SLC23A2: variants seen among roughly 807,000 people sequenced by gnomAD.
The protein encoded by SLC23A2 is Na(+)/L-ascorbic acid transporter 2.
A neutral mutation model predicts 73.3 loss-of-function variants in SLC23A2; 36 were observed. That is an observed-to-expected ratio of 0.49 (90% CI 0.38 to 0.65). The LOEUF (loss-of-function observed/expected upper bound fraction) is 0.65. Ranked by LOEUF, SLC23A2 falls within the 30% of genes least tolerant of loss-of-function variation. SLC23A2 has a pLI of 0.00. For missense variants in SLC23A2, 507 were observed against 841.6 expected (o/e 0.60, Z 4.92); for synonymous variants, 343 against 327.3 (o/e 1.05, Z -0.52).
At chr20:4,956,956 T>C (rs2087299191) in intron 2 of SLC23A2, among the ~76,000 whole-genome samples, 1 of 152,024 alleles carries the variant, frequency 6.6e-6, no homozygotes, top group Non-Finnish European at 1.5e-5. Flanking sequence ...TACAGGCATG[T>C]GCCACCATGC....
intron 1 of SLC23A2, among the ~76,000 whole-genome samples, chr20:4,976,792 T>G (rs915152735): frequency 2.8e-4 from 42 of 151,860 alleles, no homozygotes; most frequent in African/African-American, 9.2e-4. Flanking sequence ...GCCAACATGG[T>G]GAAACCCTGT....
At chr20:4,936,777 C>T (rs753181838) in intron 2 of SLC23A2, among the ~76,000 whole-genome samples, 13 of 152,164 alleles carry the variant, frequency 8.5e-5, no homozygotes, top group East Asian at 5.8e-4. Context: ...TTCTCCACCA[C>T]GCATTTAATT....
intron 9 of SLC23A2, among the ~76,000 whole-genome samples, chr20:4,877,166 TATAA>T (rs556351654): frequency 4.5e-4 from 69 of 152,024 alleles, no homozygotes; most frequent in South Asian, 6.2e-4. Flanking sequence ...TATAATAAAA[TATAA>T]ATAAATAAAT....
At chr20:4,906,364 G>A (rs952451391) in intron 4 of SLC23A2, among the ~76,000 whole-genome samples, 8 of 152,030 alleles carry the variant, frequency 5.3e-5, no homozygotes, top group East Asian at 1.9e-4. Context: ...GGTAGCTCAC[G>A]TCTGTAATCC....
intron 1 of SLC23A2, among the ~76,000 whole-genome samples, chr20:5,001,172 G>T (rs1274588606): frequency 1.3e-5 from 2 of 151,292 alleles, no homozygotes; most frequent in East Asian, 3.9e-4. Flanking sequence ...CGGCAGAACG[G>T]CAGGAGCTGA....
chr20:4,979,055 G>A (rs2087687021), intron 1 of SLC23A2, among the ~76,000 whole-genome samples: 1 of 152,156 alleles, frequency 6.6e-6, no homozygotes, highest in Non-Finnish European at 1.5e-5. Context: ...AGTACTTTGG[G>A]AGGCTGAGGC....
At chr20:4,955,587 G>A (rs750093252) in intron 2 of SLC23A2, among the ~76,000 whole-genome samples, 10 of 151,828 alleles carry the variant, frequency 6.6e-5, no homozygotes, top group Non-Finnish European at 7.4e-5. Flanking sequence ...TCAGGGGCTC[G>A]AGACCAGCCT....
rs1881450507 is a variant in SLC23A2 at position 4,883,528 on chromosome 20, G to A, written c.824+114C>T. On this transcript the variant is annotated intron_variant, in intron 9 of 16. Coordinates refer to ENST00000338244, the MANE Select transcript of SLC23A2 (RefSeq NM_005116.6). The surrounding 1 kb of genome is among the most constrained non-coding windows in gnomAD (Gnocchi z 4.5). ...TATTCCCCAGCACGAAGCAAATAAAGTTGAAACTGTCAGACCATTCTTATT... is the reference window on the plus strand; with the variant it reads ...TATTCCCCAGCACGAAGCAAATAAAATTGAAACTGTCAGACCATTCTTATT... 3.7e-6 allele frequency: 3 copies of A among 809,192 alleles called. No homozygotes were observed. The highest frequency in any genetic ancestry group is 5.8e-6 in the Non-Finnish European group (3 of 518,318). 50.1% of individuals were successfully genotyped at this position (809,192 alleles called of 1,614,324 possible).
chr20:4,856,887 C>T lies in SLC23A2; in HGVS notation c.*85G>A. The T allele has an allele frequency of 1.2e-6, 1 of 847,606 alleles. No individual in the cohort carries two copies. 52.5% of individuals were successfully genotyped at this position (847,606 alleles called of 1,614,324 possible). A position where few individuals can be genotyped will look rare whatever the true frequency, so the allele number is the denominator to read the frequency against. On this transcript the variant is annotated 3_prime_UTR_variant, in exon 17 of 17. Transcript: ENST00000338244. This position sits in a 1 kb window ranked among gnomAD's most constrained non-coding sequence, Gnocchi z 4.6. ...GGCGCAGAATGTAAATGTAGATATA[C>T]AAACATGTATTTTACTTCTTGTTAC...
upstream of SLC23A2, among the ~76,000 whole-genome samples, chr20:5,002,050 G>C (rs542385834): frequency 6.6e-6 from 1 of 152,272 alleles, no homozygotes; most frequent in Non-Finnish European, 1.5e-5. Flanking sequence ...TTCTCTGGGG[G>C]TCGTGTTAGG....
At position 4,912,990 on chromosome 20, in the gene SLC23A2, A is replaced by G; in HGVS notation, c.109-12T>C. 1 of 1,574,914 alleles carries G rather than the reference A, an allele frequency of 6.3e-7. No individual in the cohort carries two copies. Among genetic ancestry groups the G allele is most frequent in the East Asian group, 2.2e-5 (1 of 44,686 alleles). ...CCATTTATCACCACCTGCAGAGACA[A>G]TCCACTTAGAGGCTGTTTCAGCGTG... On this transcript the variant is annotated splice_polypyrimidine_tract_variant and intron_variant, in intron 3 of 16. Transcript: ENST00000338244.
In SLC23A2 at chr20:4,902,413, A is replaced by T; in HGVS notation, c.324+29T>A. The T allele has an allele frequency of 8.4e-7, 1 of 1,185,516 alleles. No individual in the cohort carries two copies. The highest frequency in any genetic ancestry group is 1.2e-6 in the Non-Finnish European group (1 of 809,770). The allele number at this position is 1,185,516 out of a possible 1,614,324, so 73.4% of individuals were successfully genotyped here. A position where few individuals can be genotyped will look rare whatever the true frequency, so the allele number is the denominator to read the frequency against. On this transcript the variant is annotated intron_variant, in intron 5 of 16. Transcript: ENST00000338244. The surrounding 1 kb of genome is among the most constrained non-coding windows in gnomAD (Gnocchi z 4.0). ...GTAGACAATGCAAACACCTGCTGGT[A>T]GTTACACATCCTACAGGAACCATCT...
intron 1 of SLC23A2, among the ~76,000 whole-genome samples, chr20:4,978,974 C>A (rs964346663): frequency 5.9e-5 from 9 of 152,066 alleles, no homozygotes; most frequent in African/African-American, 1.9e-4. Context: ...ACTACTAGAG[C>A]AAAACTAAGA....
At chr20:4,895,936 G>C (rs530674338) in intron 6 of SLC23A2, among the ~76,000 whole-genome samples, 19 of 152,262 alleles carry the variant, frequency 1.2e-4, no homozygotes, top group African/African-American at 4.1e-4. Context: ...GGCCATTTGG[G>C]GATTTCTGCT....
chr20:4,858,206 C>T (rs1247947487), intron 16 of SLC23A2, among the ~76,000 whole-genome samples: 1 of 152,138 alleles, frequency 6.6e-6, no homozygotes, highest in East Asian at 1.9e-4. Flanking sequence ...TGTGCTTCTG[C>T]GGGGATGAAC....
Position 4,859,337 on chromosome 20 carries a change from T to C in SLC23A2, c.1672A>G (p.Met558Val). The change falls in exon 16 of 17, where the codon ATG (methionine) becomes GTG (valine). Residue 558 changes from methionine (M) to valine (V), a missense_variant. By Grantham distance (21) the Met-to-Val change is conservative. Transcript: ENST00000338244. ...QVLNVLLTTA[M>V]FVGGCVAFIL... ...AAAGCCACACAGCCCCCTACAAACA[T>C]AGCAGTTGTGAGAAGGACGTTCAAC... is the stretch of plus-strand genomic sequence containing the variant. 7 of 1,612,788 alleles carry C rather than the reference T, an allele frequency of 4.3e-6. No homozygotes were observed. Among genetic ancestry groups the C allele is most frequent in the Non-Finnish European group, 5.9e-6 (7 of 1,179,370 alleles).
chr20:4,984,557 GA>G (rs986485230), intron 1 of SLC23A2, among the ~76,000 whole-genome samples: 49 of 140,918 alleles, frequency 3.5e-4, no homozygotes, highest in Non-Finnish European at 5.6e-4. Context: ...TGTCTCAAAA[GA>G]AAAAAAAAAG....
intron 4 of SLC23A2, among the ~76,000 whole-genome samples, chr20:4,911,681 A>C (rs1042994092): frequency 1.6e-4 from 25 of 152,224 alleles, no homozygotes; most frequent in African/African-American, 6.0e-4. Flanking sequence ...ACCTGTGTTT[A>C]AAATCTATCA....
At chr20:4,941,238 C>T (rs773454008) in intron 2 of SLC23A2, among the ~76,000 whole-genome samples, 4 of 151,836 alleles carry the variant, frequency 2.6e-5, no homozygotes, top group South Asian at 2.1e-4. Context: ...ATTAACAATA[C>T]GTCGGTCAGG....
Sources: allele counts gnomAD v4.1 joint callset (sites outside exome capture counted in the v4.1 genomes callset), GRCh38; gene constraint gnomAD v4.1.1; non-coding constraint Gnocchi (gnomAD v3.1); transcripts MANE v1.5; gene names NCBI Gene and HGNC (gene_info 2026-07-23, HGNC 2026-07-21).